The following CELF2 variants were observed in gnomAD, a reference collection of about 807,000 sequenced individuals.
CELF2 encodes CUGBP Elav-like family member 2.
CELF2 carries 8 observed loss-of-function variants against 62.6 expected under a neutral mutation model. The observed-to-expected ratio is 0.13, with a 90% confidence interval of 0.07 to 0.23. The LOEUF is 0.23. CELF2 is among the 10% of genes least tolerant of loss of function. CELF2 has a pLI of 1.00. For missense variants in CELF2, 333 were observed against 671.0 expected (o/e 0.50, Z 5.56); for synonymous variants, 258 against 250.0 (o/e 1.03, Z -0.30).
chr10:10,901,257 T>C (rs1000728973), intron 1 of CELF2, among the ~76,000 whole-genome samples: 1 of 152,226 alleles, frequency 6.6e-6, no homozygotes, highest in African/African-American at 2.4e-5. Context: ...TAACAGTGTA[T>C]GATTTCACGA....
At chr10:10,622,859 C>G in the CELF2 span, among the ~76,000 whole-genome samples, 1 of 151,032 alleles carries the variant, frequency 6.6e-6, no homozygotes, top group Non-Finnish European at 1.5e-5. Context: ...TTTGGGAGGC[C>G]GAGGTGGGTG....
At chr10:10,988,679 A>C (rs529641770) in intron 2 of CELF2, among the ~76,000 whole-genome samples, 1 of 152,302 alleles carries the variant, frequency 6.6e-6, no homozygotes, top group South Asian at 2.1e-4. Flanking sequence ...AATATAAAAA[A>C]TATTAAGCCC....
At position 11,229,225 on chromosome 10, in the gene CELF2, C is replaced by T. The variant is rs537151691; in HGVS notation, c.354+11718C>T. On this transcript the variant is annotated intron_variant, in intron 3 of 12. Coordinates refer to ENST00000633077, the MANE Select transcript of CELF2 (RefSeq NM_001326342.2). ...CTGCAAGGTTATGCCAAGCATGTCA[C>T]CTTAAAGAATCAGAAATCCAGAATC... Among the ~76,000 whole-genome samples, 22 of 152,306 alleles carry T rather than the reference C, an allele frequency of 1.4e-4. No homozygotes were observed. In the South Asian group the frequency reaches 3.3e-3, roughly 23 times the overall value.
intron 1 of CELF2, among the ~76,000 whole-genome samples, chr10:10,916,909 A>C (rs1190278972): frequency 6.7e-6 from 1 of 149,826 alleles, no homozygotes; most frequent in Non-Finnish European, 1.5e-5. Flanking sequence ...CACTGCACCC[A>C]GCCTGGAATT....
the CELF2 span, among the ~76,000 whole-genome samples, chr10:10,737,643 G>T: frequency 6.6e-6 from 1 of 151,872 alleles, no homozygotes; most frequent in South Asian, 2.1e-4. Flanking sequence ...AATCCCCTTT[G>T]CTCTGAATAA....
At position 11,329,810 on chromosome 10, in the gene CELF2, T is replaced by C. The variant is rs2095948812; in HGVS notation, c.*757T>C. 6.6e-6 allele frequency: 1 copy of C among 152,128 alleles called. No individual in the cohort carries two copies. Among genetic ancestry groups the C allele is most frequent in the Non-Finnish European group, 1.5e-5 (1 of 68,014 alleles). The allele number at this position is 152,128 out of a possible 1,614,324, so 9.4% of individuals were successfully genotyped here. On this transcript the variant is annotated 3_prime_UTR_variant, in exon 13 of 13. Transcript: ENST00000633077. The surrounding 1 kb of genome is among the most constrained non-coding windows in gnomAD (Gnocchi z 5.5). ...TAAAAATGAGTGAAAATACTTGATG[T>C]TTCTTGAAAGATAAATTTAATAATA... is the stretch of plus-strand genomic sequence containing the variant.
the CELF2 span, among the ~76,000 whole-genome samples, chr10:10,535,467 C>T: frequency 6.6e-6 from 1 of 152,140 alleles, no homozygotes; most frequent in Non-Finnish European, 1.5e-5. Flanking sequence ...CACCTGTAAT[C>T]CCAGCACTTT....
intron 1 of CELF2, among the ~76,000 whole-genome samples, chr10:11,115,084 G>A (rs1469793630): frequency 1.3e-5 from 2 of 152,234 alleles, no homozygotes; most frequent in African/African-American, 2.4e-5. Context: ...CCACATAAAT[G>A]TGTGGGGATC....
At chr10:11,013,227 G>A (rs2056748336), upstream of CELF2, among the ~76,000 whole-genome samples, 3 of 152,160 alleles carry the variant, frequency 2.0e-5, no homozygotes, top group Admixed American at 2.0e-4. The surrounding 1 kb of genome is among the most constrained non-coding windows in gnomAD (Gnocchi z 4.1). Context: ...GCCACTGTCT[G>A]GCTCCCATTT....
At chr10:11,283,912 T>G in intron 8 of CELF2, among the ~76,000 whole-genome samples, 1 of 132,040 alleles carries the variant, frequency 7.6e-6, no homozygotes, top group East Asian at 2.4e-4. Flanking sequence ...GACTGTGTGG[T>G]AGGTGGATGA....
chr10:10,618,072 C>G, the CELF2 span, among the ~76,000 whole-genome samples: 1 of 152,042 alleles, frequency 6.6e-6, no homozygotes, highest in Admixed American at 6.5e-5. Context: ...GGGCTGTGAC[C>G]TTCACTTAGC....
chr10:10,570,028 C>G, the CELF2 span, among the ~76,000 whole-genome samples: 1 of 152,154 alleles, frequency 6.6e-6, no homozygotes, highest in African/African-American at 2.4e-5. Flanking sequence ...CCCAACCTCT[C>G]TAGATAACAG....
chr10:11,168,728 T>C (rs1385533451), intron 2 of CELF2, among the ~76,000 whole-genome samples: 1 of 152,176 alleles, frequency 6.6e-6, no homozygotes, highest in Non-Finnish European at 1.5e-5. Context: ...CCTGGTGAAT[T>C]AGATTTTCCC....
intron 1 of CELF2, among the ~76,000 whole-genome samples, chr10:11,115,324 G>A (rs1474209166): frequency 6.6e-6 from 1 of 152,210 alleles, no homozygotes; most frequent in Non-Finnish European, 1.5e-5. Context: ...CCCAGCAGCT[G>A]CAAAGAACCT....
rs147441179 is a variant in CELF2 at position 11,326,034 on chromosome 10, G to A, written c.1438+55G>A. The A allele has an allele frequency of 1.2e-4, 179 of 1,529,246 alleles. 1 individual carries two copies. The highest frequency in any genetic ancestry group is 5.0e-4 in the East Asian group (22 of 43,964). 94.7% of individuals were successfully genotyped at this position (1,529,246 alleles called of 1,614,324 possible). ...GCAGTAGGTTCCCAAGTGAAGAGTC[G>A]TGGGAAGGAAAATGTGAGACAGTTT... On this transcript the variant is annotated intron_variant, in intron 12 of 12. Coordinates refer to ENST00000633077, the MANE Select transcript of CELF2 (RefSeq NM_001326342.2).
At chr10:10,709,913 C>T in the CELF2 span, among the ~76,000 whole-genome samples, 33,654 of 152,170 alleles carry the variant, frequency 0.22, 3,976 homozygotes, top group South Asian at 0.42. Flanking sequence ...ACTCTCCCCA[C>T]GAAGTAACAC....
the CELF2 span, among the ~76,000 whole-genome samples, chr10:10,687,890 T>A: frequency 6.6e-6 from 1 of 152,230 alleles, no homozygotes; most frequent in African/African-American, 2.4e-5. Context: ...TGGGAATTTC[T>A]GCAAATAGGA....
In CELF2 at chr10:10,947,954, T is replaced by C. The variant is rs1252165655; in HGVS notation, c.89+27955T>C. ...AGAATTGCCCTTGGGGTGTTAGATATGTACAGATCATGCAAGGGAATGAGA... is the reference window on the plus strand; with the variant it reads ...AGAATTGCCCTTGGGGTGTTAGATACGTACAGATCATGCAAGGGAATGAGA... On this transcript the variant is annotated intron_variant, in intron 2 of 13. Transcript: ENST00000636488. The surrounding 1 kb of genome is among the most constrained non-coding windows in gnomAD (Gnocchi z 4.1). Among the ~76,000 whole-genome samples the C allele has an allele frequency of 1.3e-5, 2 of 152,186 alleles. No homozygotes were observed. Among genetic ancestry groups the C allele is most frequent in the Non-Finnish European group, 2.9e-5 (2 of 68,028 alleles).
intron 4 of CELF2, among the ~76,000 whole-genome samples, chr10:11,250,091 C>G (rs1181499267): frequency 2.0e-5 from 3 of 152,230 alleles, no homozygotes; most frequent in Non-Finnish European, 2.9e-5. Flanking sequence ...AATCTCTCCA[C>G]AAGGTATTTT....
Sources: gnomAD v4.1 joint callset for allele counts (sites outside exome capture counted in the v4.1 genomes callset) on GRCh38, gnomAD v4.1.1 for gene constraint, Gnocchi (gnomAD v3.1) non-coding constraint, MANE v1.5 for transcripts, NCBI Gene and HGNC (gene_info 2026-07-23, HGNC 2026-07-21) for gene names.